NDNF: variants seen among roughly 807,000 people sequenced by gnomAD.
NDNF encodes neuron derived neurotrophic factor.
A neutral mutation model predicts 42.0 loss-of-function variants in NDNF; 16 were observed. The observed-to-expected ratio is 0.38, with a 90% confidence interval of 0.26 to 0.58. The LOEUF is 0.58. Ranked by LOEUF, NDNF falls within the 20% of genes least tolerant of loss-of-function variation. The probability of loss-of-function intolerance (pLI) is 0.67; values close to 1 mark genes in which losing one functional copy is unlikely to be tolerated. For synonymous variants in NDNF, 248 were observed against 251.7 expected (o/e 0.99, Z 0.14); for missense variants, 616 against 666.2 (o/e 0.92, Z 0.83).
chr4:121,061,236 T>C (rs1041128449), intron 1 of NDNF: 11 of 152,454 alleles, frequency 7.2e-5, no homozygotes, highest in Non-Finnish European at 1.6e-4. Context: ...GATAATTTAG[T>C]AATTTGAGAG....
intron 1 of NDNF, among the ~76,000 whole-genome samples, chr4:121,051,121 T>C (rs1346712644): frequency 1.3e-5 from 2 of 152,110 alleles, no homozygotes; most frequent in Non-Finnish European, 2.9e-5. Context: ...AATATAAAAA[T>C]GGAACATCTG....
chr4:121,056,941 G>A (rs1234913659), intron 1 of NDNF, among the ~76,000 whole-genome samples: 3 of 152,184 alleles, frequency 2.0e-5, no homozygotes, highest in Non-Finnish European at 4.4e-5. Flanking sequence ...ACAGAAAAGA[G>A]CAAGTGTGGT....
chr4:121,041,906 A>C (rs2148764167), intron 2 of NDNF, among the ~76,000 whole-genome samples: 1 of 152,254 alleles, frequency 6.6e-6, no homozygotes, highest in Non-Finnish European at 1.5e-5. Context: ...CACAGAGTTA[A>C]GTGGGTAGTG....
rs993263886 is a variant in NDNF at position 121,046,907 on chromosome 4, A to AT, written c.-1-1070dup. On this transcript the variant is annotated intron_variant, in intron 1 of 3. Coordinates refer to ENST00000379692, the MANE Select transcript of NDNF (RefSeq NM_024574.4). ...ACTTTGCTTCCTCTGACCATTTGGT[A>AT]TTTTTTTTTCCTCACAGAAAGAAAT... Among the ~76,000 whole-genome samples, 6 of 151,506 alleles carry AT rather than the reference A, an allele frequency of 4.0e-5. 1 individual carries two copies. Among genetic ancestry groups the AT allele is most frequent in the South Asian group, 4.2e-4 (2 of 4,804 alleles).
Position 121,037,604 on chromosome 4 carries a change from T to C in NDNF, c.367A>G (p.Thr123Ala), listed in dbSNP as rs766536568. Residue 123 changes from threonine to alanine, a missense_variant, in exon 4 of 4, where the codon ACT (threonine) becomes GCT (alanine). Thr to Ala is a moderately conservative substitution (Grantham distance 58, BLOSUM62 0). Transcript: ENST00000379692. ...TTGCCTTTGTAGGAGAATAACTCAG[T>C]GCCTTCCTCATTAATGATCTGCTGC... ...QKQQIINEEG[T>A]ELFSYKGNDV... is the part of the protein sequence containing the mutation. 2.5e-6 allele frequency: 4 copies of C among 1,607,102 alleles called. No homozygotes were observed. Among genetic ancestry groups the C allele is most frequent in the Non-Finnish European group, 3.4e-6 (4 of 1,178,606 alleles).
At chr4:121,068,039 A>G (rs1372069170) in intron 1 of NDNF, among the ~76,000 whole-genome samples, 2 of 152,312 alleles carry the variant, frequency 1.3e-5, no homozygotes, top group Admixed American at 1.3e-4. Flanking sequence ...ACAGACTTAC[A>G]CTGAAATGGT....
intron 1 of NDNF, among the ~76,000 whole-genome samples, chr4:121,060,295 C>A (rs1051484229): frequency 5.3e-5 from 8 of 151,962 alleles, no homozygotes; most frequent in Admixed American, 5.2e-4. Flanking sequence ...ATCCTCCCAC[C>A]TCAGCCGCCT....
chr4:121,050,114 C>T (rs1727167744), intron 1 of NDNF, among the ~76,000 whole-genome samples: 1 of 151,716 alleles, frequency 6.6e-6, no homozygotes, highest in African/African-American at 2.4e-5. Context: ...ATTTTTACAA[C>T]TTATATTGAC....
intron 1 of NDNF, among the ~76,000 whole-genome samples, chr4:121,067,296 T>G (rs1032264463): frequency 2.0e-5 from 3 of 152,140 alleles, no homozygotes; most frequent in African/African-American, 7.2e-5. Flanking sequence ...TCTAGCCACA[T>G]TTTTTTAAAG....
At chr4:121,066,870 A>C (rs1407936532) in intron 1 of NDNF, among the ~76,000 whole-genome samples, 1 of 152,238 alleles carries the variant, frequency 6.6e-6, no homozygotes, top group Non-Finnish European at 1.5e-5. Flanking sequence ...ATATGTTCTC[A>C]GAGCACACAG....
At chr4:121,045,148 C>T (rs996288230) in intron 2 of NDNF, among the ~76,000 whole-genome samples, 1 of 152,132 alleles carries the variant, frequency 6.6e-6, no homozygotes, top group Non-Finnish European at 1.5e-5. Context: ...GTCAGGAGAT[C>T]GAGACTATCC....
intron 1 of NDNF, among the ~76,000 whole-genome samples, chr4:121,056,585 T>G (rs192604060): frequency 6.6e-6 from 1 of 152,264 alleles, no homozygotes; most frequent in Admixed American, 6.5e-5. Flanking sequence ...AAAAAAAGAT[T>G]CTAAAAAACT....
At chr4:121,047,631 T>C (rs1727116350) in intron 1 of NDNF, among the ~76,000 whole-genome samples, 1 of 152,230 alleles carries the variant, frequency 6.6e-6, no homozygotes, top group African/African-American at 2.4e-5. Flanking sequence ...AGAAACTTGA[T>C]GTTTAGCTTC....
At chr4:121,070,800 G>A (rs1372839804) in intron 1 of NDNF, among the ~76,000 whole-genome samples, 1 of 152,156 alleles carries the variant, frequency 6.6e-6, no homozygotes, top group African/African-American at 2.4e-5. Context: ...TCCCGCTCAA[G>A]GTCTTGGTTT....
intron 1 of NDNF, among the ~76,000 whole-genome samples, chr4:121,063,478 G>C (rs539262384): frequency 1.3e-5 from 2 of 152,162 alleles, no homozygotes; most frequent in Non-Finnish European, 2.9e-5. Context: ...CAGAGTGAGA[G>C]AGGAGAAATC....
chr4:121,067,919 G>A (rs756094743), intron 1 of NDNF, among the ~76,000 whole-genome samples: 12 of 152,228 alleles, frequency 7.9e-5, no homozygotes, highest in Non-Finnish European at 1.5e-4. Flanking sequence ...TAGGAAGGAA[G>A]CAGCCAAGGA....
intron 1 of NDNF, among the ~76,000 whole-genome samples, chr4:121,067,845 GT>G (rs1223870215): frequency 6.6e-6 from 1 of 152,138 alleles, no homozygotes; most frequent in Non-Finnish European, 1.5e-5. Flanking sequence ...TTGGTTTGCA[GT>G]TTTTAGTAAA....
chr4:121,072,288 G>A lies in NDNF; in HGVS notation c.-297C>T, dbSNP rs987288285. 1 of 152,236 alleles carries A rather than the reference G, an allele frequency of 6.6e-6. No homozygotes were observed. The highest frequency in any genetic ancestry group is 1.5e-5 in the Non-Finnish European group (1 of 68,214). The allele number at this position is 152,236 out of a possible 1,614,324, so 9.4% of individuals were successfully genotyped here. On this transcript the variant is annotated 5_prime_UTR_variant, in exon 1 of 4. Transcript: ENST00000379692. ...AGCCGCGCGGGGCTGGGGAATCCCG[G>A]GGCAGCGCCGAGAAGCGGCGGGAGG...
chr4:121,040,025 G>T lies in NDNF; in HGVS notation c.218C>A (p.Thr73Asn). ...RYFFVVEEDNTPLSVTVTPCD... is the reference protein window; with the variant it reads ...RYFFVVEEDNNPLSVTVTPCD... ...GGGCGTCACTGTGACTGATAATGGA[G>T]TATTGTCTTCTTCAACCACAAAGAA... The change falls in exon 3 of 4, where the codon ACT becomes AAT. Residue 73 changes from threonine (T) to asparagine (N), a missense_variant. Coordinates refer to ENST00000379692, the MANE Select transcript of NDNF (RefSeq NM_024574.4). 6.2e-7 allele frequency: 1 copy of T among 1,613,884 alleles called. No homozygotes were observed. Among genetic ancestry groups the T allele is most frequent in the Non-Finnish European group, 8.5e-7 (1 of 1,179,912 alleles).
Sources: allele counts gnomAD v4.1 joint callset (sites outside exome capture counted in the v4.1 genomes callset), GRCh38; gene constraint gnomAD v4.1.1; transcripts MANE v1.5; gene names NCBI Gene and HGNC (gene_info 2026-07-23, HGNC 2026-07-21).